The following MILR1 variants were observed in gnomAD, a reference collection of about 807,000 sequenced individuals.
MILR1 encodes allergin-1.
A neutral mutation model predicts 18.5 loss-of-function variants in MILR1; 31 were observed. The observed-to-expected ratio is 1.68, with a 90% CI of 1.26 to 2.26. MILR1 has a LOEUF of 2.26. Among genes scored for constraint, MILR1 ranks in the 30% most tolerant of loss-of-function variants. The pLI, the probability that MILR1 is intolerant of heterozygous loss-of-function variation, is 0.00. For missense variants in MILR1, 257 were observed against 157.4 expected (o/e 1.63, Z -3.38); for synonymous variants, 85 against 56.2 (o/e 1.51, Z -2.30).
chr17:64,469,886 T>C (rs1334471627), downstream of MILR1, among the ~76,000 whole-genome samples: 1 of 152,134 alleles, frequency 6.6e-6, no homozygotes, highest in Admixed American at 6.6e-5. Context: ...GACCCGACCC[T>C]GGTTATTAAG....
chr17:64,459,135 G>A (rs2037367021), intron 4 of MILR1, among the ~76,000 whole-genome samples: 1 of 152,152 alleles, frequency 6.6e-6, no homozygotes, highest in East Asian at 1.9e-4. Flanking sequence ...AAGGTAGGAG[G>A]ATAGAAGGAA....
chr17:64,489,286 TGGA>T, the MILR1 span, among the ~76,000 whole-genome samples: 5 of 136,730 alleles, frequency 3.7e-5, no homozygotes, highest in African/African-American at 8.2e-5. Context: ...AAAAAAAAAA[TGGA>T]GGAGAAGGAA....
the MILR1 span, among the ~76,000 whole-genome samples, chr17:64,478,741 C>CA: frequency 6.6e-6 from 1 of 151,664 alleles, no homozygotes; most frequent in Non-Finnish European, 1.5e-5. Context: ...ACCAAAACTA[C>CA]AAAAAATTAG....
the MILR1 span, among the ~76,000 whole-genome samples, chr17:64,496,022 T>C: frequency 1.3e-5 from 2 of 152,228 alleles, no homozygotes; most frequent in Non-Finnish European, 2.9e-5. Flanking sequence ...ATTTATCCTA[T>C]GATATACATG....
the MILR1 span, chr17:64,485,055 C>T: frequency 6.6e-6 from 1 of 152,208 alleles, no homozygotes; most frequent in South Asian, 2.1e-4. Flanking sequence ...GCCCAGTAGC[C>T]TTTTTATATC....
Position 64,449,200 on chromosome 17 carries a change from G to T in MILR1, c.32G>T (p.Trp11Leu). ...AGCCATTTGAACAGGCTCCTCTTCT[G>T]GAGCATATTTTCTTCTGTCACTTGT... MWSHLNRLLFWSIFSSVTCRK... is the reference protein window; with the variant it reads MWSHLNRLLFLSIFSSVTCRK... The change falls in exon 1 of 10, where the codon TGG becomes TTG. Residue 11 changes from tryptophan (W) to leucine (L), a missense_variant. Transcript: ENST00000619286. The T allele has an allele frequency of 2.1e-6, 1 of 472,708 alleles. No homozygotes were observed. Among genetic ancestry groups the T allele is most frequent in the Admixed American group, 3.2e-5 (1 of 31,404 alleles). The allele number at this position is 472,708 out of a possible 1,614,324, so 29.3% of individuals were successfully genotyped here.
At chr17:64,496,986 G>A in the MILR1 span, 7 of 1,597,024 alleles carry the variant, frequency 4.4e-6, no homozygotes, top group African/African-American at 2.7e-5. Flanking sequence ...CGAAGTTAAA[G>A]AGCACACTCT....
chr17:64,471,738 G>A (rs545271992), downstream of MILR1, among the ~76,000 whole-genome samples: 2 of 152,328 alleles, frequency 1.3e-5, no homozygotes, highest in East Asian at 3.9e-4. Flanking sequence ...GATTGCTTGA[G>A]CCCAGGAGTT....
chr17:64,491,413 A>G, the MILR1 span: 5 of 692,816 alleles, frequency 7.2e-6, no homozygotes, highest in East Asian at 3.0e-5. Context: ...TGGGTAACAG[A>G]GCAAGACTTC....
chr17:64,481,842 T>C, the MILR1 span, among the ~76,000 whole-genome samples: 1 of 151,458 alleles, frequency 6.6e-6, no homozygotes, highest in Non-Finnish European at 1.5e-5. Flanking sequence ...GCCACTGCAC[T>C]CCAGCCTGGG....
chr17:64,464,586 G>T (rs920071933), intron 5 of MILR1, among the ~76,000 whole-genome samples: 10,758 of 151,994 alleles, frequency 0.071, 602 homozygotes, highest in African/African-American at 0.16. Flanking sequence ...CTTATAAAAA[G>T]TCCAGGTTCT....
intron 9 of MILR1, chr17:64,467,935 CAAAAAAAAAAA>C (rs112297771): frequency 0.33 from 52,710 of 160,230 alleles, 4,341 homozygotes; most frequent in South Asian, 0.45. Context: ...GACTTCATCT[CAAAAAAAAAAA>C]AAAAAAAAAA....
At chr17:64,463,601 G>A (rs2037480165) in intron 5 of MILR1, among the ~76,000 whole-genome samples, 2 of 152,018 alleles carry the variant, frequency 1.3e-5, no homozygotes, top group Non-Finnish European at 2.9e-5. Context: ...GAGAAGTCAG[G>A]GACTCAGTTG....
chr17:64,458,621 A>C (rs2037355631), intron 4 of MILR1, among the ~76,000 whole-genome samples: 1 of 151,874 alleles, frequency 6.6e-6, no homozygotes, highest in South Asian at 2.1e-4. Context: ...AGGGCAAGAG[A>C]GGCCTCTGGC....
the MILR1 span, chr17:64,487,599 G>A: frequency 3.0e-5 from 4 of 132,882 alleles, no homozygotes; most frequent in African/African-American, 1.2e-4. Flanking sequence ...GGGTGACAGA[G>A]TGAGACACCA....
At chr17:64,462,825 C>A (rs1303274320) in intron 5 of MILR1, among the ~76,000 whole-genome samples, 6 of 151,876 alleles carry the variant, frequency 4.0e-5, no homozygotes, top group African/African-American at 1.5e-4. Flanking sequence ...AGGGTTTCAC[C>A]ATGTTGGTCA....
chr17:64,464,348 C>T (rs1232434634), intron 5 of MILR1, among the ~76,000 whole-genome samples: 3 of 150,352 alleles, frequency 2.0e-5, no homozygotes, highest in African/African-American at 7.3e-5. Context: ...GGACTCAAAC[C>T]ATCCTCCTGC....
chr17:64,468,227 T>G, intron 9 of MILR1, 83 bp from the exon 10 acceptor site: 1 of 456,052 alleles, frequency 2.2e-6, no homozygotes, highest in East Asian at 7.0e-5. Context: ...AGACATTGCT[T>G]GTGGTTGCCT....
the MILR1 span, among the ~76,000 whole-genome samples, chr17:64,488,044 A>G: frequency 2.0e-5 from 3 of 152,190 alleles, no homozygotes; most frequent in East Asian, 5.8e-4. Context: ...GACATTAACC[A>G]TAAAATCAAC....
Sources: gnomAD v4.1 joint callset for allele counts (sites outside exome capture counted in the v4.1 genomes callset) on GRCh38, gnomAD v4.1.1 for gene constraint, MANE v1.5 for transcripts, NCBI Gene and HGNC (gene_info 2026-07-23, HGNC 2026-07-21) for gene names.